The following SLC60A1 variants were observed in gnomAD, a reference collection of about 807,000 sequenced individuals.
The protein encoded by SLC60A1 is solute carrier family 60 member 1, also known as major facilitator superfamily domain containing 4.
the SLC60A1 span, among the ~76,000 whole-genome samples, chr1:205,595,604 T>C: frequency 6.6e-6 from 1 of 152,260 alleles, no homozygotes; most frequent in Non-Finnish European, 1.5e-5. Flanking sequence ...CTGGCAGTCC[T>C]GCCTCCAGAG....
the SLC60A1 span, chr1:205,598,111 G>A: frequency 2.3e-5 from 9 of 396,278 alleles, no homozygotes; most frequent in Non-Finnish European, 4.3e-5. Flanking sequence ...CTGGGAGCAG[G>A]GCCAGAGGGG....
At chr1:205,590,563 G>C in the SLC60A1 span, among the ~76,000 whole-genome samples, 1 of 152,204 alleles carries the variant, frequency 6.6e-6, no homozygotes, top group South Asian at 2.1e-4. Context: ...CGGAAGGGCT[G>C]CTAGAGGAGC....
the SLC60A1 span, among the ~76,000 whole-genome samples, chr1:205,597,172 C>T: frequency 1.1e-4 from 16 of 152,094 alleles, no homozygotes; most frequent in East Asian, 3.8e-4. Context: ...ATGGGAATGG[C>T]GCTGAATGCC....
At chr1:205,569,505 C>T in the SLC60A1 span, among the ~76,000 whole-genome samples, 5 of 147,736 alleles carry the variant, frequency 3.4e-5, no homozygotes, top group East Asian at 1.0e-3. Context: ...CCCCGCAGCT[C>T]TCCCTGGAAA....
chr1:205,580,317 G>A, the SLC60A1 span, among the ~76,000 whole-genome samples: 17 of 151,906 alleles, frequency 1.1e-4, no homozygotes, highest in Non-Finnish European at 4.4e-5. This position sits in a 1 kb window ranked among gnomAD's most constrained non-coding sequence, Gnocchi z 5.0. Flanking sequence ...CCCTTTTTGT[G>A]CCCCCTTCCC....
At chr1:205,591,443 C>T in the SLC60A1 span, among the ~76,000 whole-genome samples, 1 of 144,172 alleles carries the variant, frequency 6.9e-6, no homozygotes, top group East Asian at 2.1e-4. Flanking sequence ...GATTGCACCA[C>T]TGCACTCCAA....
chr1:205,602,207 A>G, the SLC60A1 span: 1 of 152,628 alleles, frequency 6.6e-6, no homozygotes, highest in Non-Finnish European at 1.5e-5. Flanking sequence ...TTAAGTGATC[A>G]TGGTTCTTGG....
At chr1:205,593,676 T>C in the SLC60A1 span, among the ~76,000 whole-genome samples, 1 of 152,154 alleles carries the variant, frequency 6.6e-6, no homozygotes, top group Non-Finnish European at 1.5e-5. Context: ...TTTTGTTTTG[T>C]TTTCAAAATG....
At chr1:205,596,501 A>T in the SLC60A1 span, among the ~76,000 whole-genome samples, 2 of 125,282 alleles carry the variant, frequency 1.6e-5, no homozygotes, top group African/African-American at 3.0e-5. Context: ...TGGGAGGCTG[A>T]GGCACTGTAC....
At chr1:205,575,686 C>T in the SLC60A1 span, among the ~76,000 whole-genome samples, 1 of 152,298 alleles carries the variant, frequency 6.6e-6, no homozygotes, top group Non-Finnish European at 1.5e-5. Flanking sequence ...AGCAGAGCCA[C>T]AGCTCACCTG....
chr1:205,576,949 C>G, the SLC60A1 span, among the ~76,000 whole-genome samples: 1 of 151,030 alleles, frequency 6.6e-6, no homozygotes, highest in Admixed American at 6.6e-5. Flanking sequence ...AGGCGTGGTT[C>G]TCTCCAACCT....
At chr1:205,595,034 CAG>C in the SLC60A1 span, 1 of 152,240 alleles carries the variant, frequency 6.6e-6, no homozygotes, top group Non-Finnish European at 1.5e-5. Flanking sequence ...CATGGTAAAA[CAG>C]GGCTGTGCTT....
At chr1:205,582,400 G>A in the SLC60A1 span, among the ~76,000 whole-genome samples, 3 of 152,182 alleles carry the variant, frequency 2.0e-5, no homozygotes, top group Non-Finnish European at 4.4e-5. Context: ...TACTCATGTG[G>A]GTGCACACGC....
chr1:205,578,946 G>A, the SLC60A1 span, among the ~76,000 whole-genome samples: 1 of 152,176 alleles, frequency 6.6e-6, no homozygotes, highest in South Asian at 2.1e-4. Flanking sequence ...TTATTGGGCA[G>A]AGTGTCCCAA....
chr1:205,602,698 CTAATT>C, the SLC60A1 span: 2 of 152,206 alleles, frequency 1.3e-5, no homozygotes, highest in Non-Finnish European at 1.5e-5. Context: ...AGATGCCAGT[CTAATT>C]TAAATGCAGT....
chr1:205,592,596 C>G, the SLC60A1 span, among the ~76,000 whole-genome samples: 1 of 152,000 alleles, frequency 6.6e-6, no homozygotes, highest in African/African-American at 2.4e-5. Flanking sequence ...AGGCCAGCAC[C>G]ATCTCCCAGC....
chr1:205,587,234 T>G, the SLC60A1 span, among the ~76,000 whole-genome samples: 1 of 152,358 alleles, frequency 6.6e-6, no homozygotes. Context: ...AGGGGTTCAC[T>G]GTCTGCTTAA....
the SLC60A1 span, chr1:205,599,059 G>T: frequency 6.3e-7 from 1 of 1,585,440 alleles, no homozygotes; most frequent in Admixed American, 1.8e-5. Context: ...GGATGGAGAA[G>T]GCTGCTTCCT....
chr1:205,590,792 C>T, the SLC60A1 span, among the ~76,000 whole-genome samples: 1 of 152,176 alleles, frequency 6.6e-6, no homozygotes, highest in African/African-American at 2.4e-5. Context: ...AAGCCATAGG[C>T]TGCTATAGAA....
Sources: allele counts gnomAD v4.1 joint callset (sites outside exome capture counted in the v4.1 genomes callset), GRCh38; gene constraint gnomAD v4.1.1; non-coding constraint Gnocchi (gnomAD v3.1); transcripts MANE v1.5; gene names NCBI Gene and HGNC (gene_info 2026-07-23, HGNC 2026-07-21).